PDZD7: variants seen among roughly 807,000 people sequenced by gnomAD.
PDZD7 encodes PDZ domain containing 7.
A neutral mutation model predicts 84.7 loss-of-function variants in PDZD7; 72 were observed. The ratio of observed to expected loss-of-function variants is 0.85; its 90% CI spans 0.70 to 1.03. The LOEUF is 1.03. Among genes scored for constraint, PDZD7 ranks in the 50% least tolerant of loss-of-function variants. PDZD7 has a pLI of 0.00. For missense variants in PDZD7, 1,490 were observed against 1,412.9 expected (o/e 1.05, Z -0.87); for synonymous variants, 594 against 580.7 (o/e 1.02, Z -0.33).
At chr10:101,011,005 G>C (rs1852377187) in intron 14 of PDZD7, 122 bp from the exon 15 acceptor site, 1 of 1,494,676 alleles carries the variant, frequency 6.7e-7, no homozygotes, top group Non-Finnish European at 8.9e-7. Flanking sequence ...ACTGCAGTGC[G>C]GCCCACCCAC....
rs1173857385 is a variant in PDZD7 at position 101,030,035 on chromosome 10, G to A, written c.185C>T (p.Ser62Leu). ...NGPPRGIRAS[S>L]PMGRVILINS... ...GATGAGGATGACGCGTCCCATGGGC[G>A]ATGAGGCTCGGATTCCGCGGGGGGG... The change falls in exon 2 of 17, where the codon TCG becomes TTG. Residue 62 changes from serine (S) to leucine (L), a missense_variant. Coordinates refer to ENST00000619208, the MANE Select transcript of PDZD7 (RefSeq NM_001195263.2). 3 of 1,613,600 alleles carry A rather than the reference G, an allele frequency of 1.9e-6. No individual in the cohort carries two copies. The Admixed American group carries it at 5.0e-5, about 27-fold the overall frequency.
intron 2 of PDZD7, among the ~76,000 whole-genome samples, chr10:101,027,606 C>T (rs1307323558): frequency 6.6e-6 from 1 of 152,230 alleles, no homozygotes; most frequent in Non-Finnish European, 1.5e-5. Context: ...TGCAATCTAT[C>T]CCTGAATGAG....
chr10:101,015,775 G>GCCCCTC lies in PDZD7; in HGVS notation c.1609_1610insGAGGGG (p.Ser537delinsTer). Reference sequence around the variant, plus strand: ...AGGCAGCTGGCTGGAGGGACTCCCAGACCTGGCAGACAGCAGGGCCCGGCC... The same window carrying GCCCCTC: ...AGGCAGCTGGCTGGAGGGACTCCCAGCCCCTCACCTGGCAGACAGCAGGGCCCGGCC... On this transcript the variant is annotated stop_gained, in exon 11 of 17. Transcript: ENST00000619208. LOFTEE classifies it high-confidence loss of function. The GCCCCTC allele has an allele frequency of 6.5e-7, 1 of 1,549,702 alleles. No individual in the cohort carries two copies. Among genetic ancestry groups the GCCCCTC allele is most frequent in the Non-Finnish European group, 8.7e-7 (1 of 1,146,864 alleles).
At position 101,011,959 on chromosome 10, in the gene PDZD7, C is replaced by T. The variant is rs1187120529; in HGVS notation, c.1899G>A (p.Glu633=). 3.9e-6 allele frequency: 6 copies of T among 1,550,356 alleles called. No homozygotes were observed. Among genetic ancestry groups the T allele is most frequent in the African/African-American group, 1.4e-5 (1 of 73,058 alleles). Residue 633 remains glutamate, a synonymous_variant, in exon 13 of 17, where the codon GAG becomes GAA. Transcript: ENST00000619208. ...GRFDSMVMLV[E]LEAFEALKSR... Reference sequence around the variant, plus strand: ...TCTTGAGGGCCTCAAAAGCCTCCAGCTCCACAAGCATCACCATGCTGTCGA... The same window carrying T: ...TCTTGAGGGCCTCAAAAGCCTCCAGTTCCACAAGCATCACCATGCTGTCGA...
In PDZD7 at chr10:101,022,190, T is replaced by C; in HGVS notation, c.719+19A>G. 6.2e-7 allele frequency: 1 copy of C among 1,613,718 alleles called. No homozygotes were observed. On this transcript the variant is annotated intron_variant, in intron 5 of 16. Coordinates refer to ENST00000619208, the MANE Select transcript of PDZD7 (RefSeq NM_001195263.2). ...CATTCTCAGTTCTACCCGAAGACAC[T>C]TCCTGCCTCAGCCCTCACTTGGACA...
chr10:101,023,720 A>G, intron 3 of PDZD7, 110 bp from the exon 4 acceptor site: 1 of 1,470,822 alleles, frequency 6.8e-7, no homozygotes, highest in Non-Finnish European at 9.3e-7. Flanking sequence ...CAGAGTGAGG[A>G]TTGTCAGAGC....
rs747859200 is a variant in PDZD7 at position 101,018,221 on chromosome 10, A to G, written c.1400T>C (p.Leu467Pro). The G allele has an allele frequency of 3.1e-6, 5 of 1,614,182 alleles. No homozygotes were observed. The South Asian group carries it at 4.4e-5, about 14-fold the overall frequency. The change falls in exon 9 of 17, where the codon CTG becomes CCG. Residue 467 changes from leucine (L) to proline (P), a missense_variant. Physicochemically the swap from Leu to Pro is moderately conservative, Grantham distance 98. Coordinates refer to ENST00000619208, the MANE Select transcript of PDZD7 (RefSeq NM_001195263.2). ...EKGALQRSKT[L>P]MNLFFKGGRQ... ...CCCTCCCTTGAAGAAGAGGTTCATCAGCGTCTTGGAGCGCTGCAGGGCACC... is the reference window on the plus strand; with the variant it reads ...CCCTCCCTTGAAGAAGAGGTTCATCGGCGTCTTGGAGCGCTGCAGGGCACC...
intron 9 of PDZD7, 132 bp from the exon 10 acceptor site, chr10:101,016,559 G>A (rs1852640247): frequency 4.5e-6 from 4 of 888,676 alleles, no homozygotes; most frequent in Non-Finnish European, 6.9e-6. Context: ...AAGAGGCCTG[G>A]CCCTGAGGGG....
intron 4 of PDZD7, among the ~76,000 whole-genome samples, chr10:101,022,752 A>G (rs554023555): frequency 2.0e-5 from 3 of 151,838 alleles, no homozygotes; most frequent in Admixed American, 2.0e-4. Flanking sequence ...CATGCCCACC[A>G]TGCCCAGTTT....
In PDZD7 at chr10:101,016,523, A is replaced by G. The variant is rs1852639037; in HGVS notation, c.1523-96T>C. ...GGACAAGCTGGAATGGAGAATTCAG[A>G]CTGGAAGTAGGTGGGATAGGGAGGC... On this transcript the variant is annotated intron_variant, in intron 9 of 16. Coordinates refer to ENST00000619208, the MANE Select transcript of PDZD7 (RefSeq NM_001195263.2). 6.7e-6 allele frequency: 9 copies of G among 1,340,536 alleles called. No homozygotes were observed. In the East Asian group the frequency reaches 2.3e-4, roughly 34 times the overall value. The allele number at this position is 1,340,536 out of a possible 1,614,324, so 83.0% of individuals were successfully genotyped here.
Position 101,010,838 on chromosome 10 carries a change from T to G in PDZD7, c.2051A>C (p.Glu684Ala), listed in dbSNP as rs1852371494. The change falls in exon 15 of 17, where the codon GAA becomes GCA. Residue 684 changes from glutamate (E) to alanine (A), a missense_variant. Transcript: ENST00000619208. ...CCTCAGCTCCCCATTATCTTCCTCTTCCGGGAAGCCGTTCACCGGCAGCAG... is the reference window on the plus strand; with the variant it reads ...CCTCAGCTCCCCATTATCTTCCTCTGCCGGGAAGCCGTTCACCGGCAGCAG... ...FYLLPVNGFPEEEDNGELRER... is the reference protein window; with the variant it reads ...FYLLPVNGFPAEEDNGELRER... 6.5e-7 allele frequency: 1 copy of G among 1,534,866 alleles called. No individual in the cohort carries two copies. Among genetic ancestry groups the G allele is most frequent in the East Asian group, 2.4e-5 (1 of 40,916 alleles).
Position 101,010,876 on chromosome 10 carries a change from G to C in PDZD7, c.2013C>G (p.Arg671=). 1 of 1,533,806 alleles carries C rather than the reference G, an allele frequency of 6.5e-7. No homozygotes were observed. Among genetic ancestry groups the C allele is most frequent in the Non-Finnish European group, 8.7e-7 (1 of 1,146,780 alleles). ...TCACCGGCAGCAGGTAGAAGCCTCCGCGGCTGTCTGGGGAAGAGCGCCAAG... is the reference window on the plus strand; with the variant it reads ...TCACCGGCAGCAGGTAGAAGCCTCCCCGGCTGTCTGGGGAAGAGCGCCAAG... ...RHLITPVPDS[R]GGFYLLPVNG... Residue 671 remains arginine, a synonymous_variant, in exon 15 of 17, where the codon CGC becomes CGG. Coordinates refer to ENST00000619208, the MANE Select transcript of PDZD7 (RefSeq NM_001195263.2).
rs550721034 is a variant in PDZD7 at position 101,012,136 on chromosome 10, C to G, written c.1841+31G>C. The G allele has an allele frequency of 7.1e-6, 11 of 1,544,584 alleles. No homozygotes were observed. In the East Asian group the frequency reaches 2.2e-4, roughly 31 times the overall value. ...GGTGGTACCAGGGATCCCCTTCCTGCCCCCAAGCCCTCTCTGCAACCTCCT... is the reference window on the plus strand; with the variant it reads ...GGTGGTACCAGGGATCCCCTTCCTGGCCCCAAGCCCTCTCTGCAACCTCCT... On this transcript the variant is annotated intron_variant, in intron 12 of 16. Coordinates refer to ENST00000619208, the MANE Select transcript of PDZD7 (RefSeq NM_001195263.2).
At chr10:101,019,584 TCC>T (rs1852953486) in intron 7 of PDZD7, among the ~76,000 whole-genome samples, 2 of 125,332 alleles carry the variant, frequency 1.6e-5, no homozygotes, top group Non-Finnish European at 1.8e-5. Flanking sequence ...CTCCTCCTCC[TCC>T]TCTTCTTCTT....
At chr10:101,017,840 A>C in intron 9 of PDZD7, 1 of 262,332 alleles carries the variant, frequency 3.8e-6, no homozygotes, top group Non-Finnish European at 6.3e-6. Flanking sequence ...GGAAGGAAGG[A>C]AAGAAAGAAA....
chr10:101,008,822 C>G lies in PDZD7; in HGVS notation c.2747G>C (p.Gly916Ala), dbSNP rs553455294. 1.3e-6 allele frequency: 2 copies of G among 1,512,194 alleles called. No homozygotes were observed. The highest frequency in any genetic ancestry group is 2.8e-5 in the African/African-American group (2 of 72,582). The allele number at this position is 1,512,194 out of a possible 1,614,324, so 93.7% of individuals were successfully genotyped here. A position where few individuals can be genotyped will look rare whatever the true frequency, so the allele number is the denominator to read the frequency against. ...QAGFELVAVD[G>A]ENLEQVTHQR... ...GTGGGTCACCTGCTCTAGATTCTCT[C>G]CGTCCACTGCCACAAGCTCGAAGCC... is the stretch of plus-strand genomic sequence containing the variant. The change falls in exon 17 of 17, where the codon GGA (glycine) becomes GCA (alanine). Residue 916 changes from glycine to alanine, a missense_variant. By Grantham distance (60) the Gly-to-Ala change is moderately conservative. Transcript: ENST00000619208.
rs772930835 is a variant in PDZD7 at position 101,018,132 on chromosome 10, C to A, written c.1489G>T (p.Ala497Ser). Reference protein sequence around the residue: ...EAWTLDSGSLAKTYPRLDIEK... With the variant: ...EAWTLDSGSLSKTYPRLDIEK... ...ATGTCCAGGCGAGGGTAAGTTTTGG[C>A]CAGGCTCCCGCTGTCCAGTGTCCAG... The change falls in exon 9 of 17, where the codon GCC (alanine) becomes TCC (serine). Residue 497 changes from alanine to serine, a missense_variant. Transcript: ENST00000619208. 3.1e-6 allele frequency: 5 copies of A among 1,614,182 alleles called. No homozygotes were observed. In the Admixed American group the frequency reaches 5.0e-5, roughly 16 times the overall value.
At chr10:101,018,792 G>A (rs1852858942) in intron 8 of PDZD7, 30 bp downstream of exon 8, 1 of 1,555,738 alleles carries the variant, frequency 6.4e-7, no homozygotes, top group Non-Finnish European at 8.7e-7. Context: ...AGGCTGTGGA[G>A]GGAGCAGCCG....
In PDZD7 at chr10:101,008,209, C is replaced by G; in HGVS notation, c.*258G>C. 2.0e-6 allele frequency: 1 copy of G among 508,906 alleles called. No homozygotes were observed. The highest frequency in any genetic ancestry group is 3.0e-5 in the East Asian group (1 of 33,792). 31.5% of individuals were successfully genotyped at this position (508,906 alleles called of 1,614,324 possible). A position where few individuals can be genotyped will look rare whatever the true frequency, so the allele number is the denominator to read the frequency against. On this transcript the variant is annotated 3_prime_UTR_variant, in exon 17 of 17. Coordinates refer to ENST00000619208, the MANE Select transcript of PDZD7 (RefSeq NM_001195263.2). Reference sequence around the variant, plus strand: ...CTCCAGACCTTGGCTTTCTCACCCCCTATCCTGGCTTGGGAGGTTGGGGAG... The same window carrying G: ...CTCCAGACCTTGGCTTTCTCACCCCGTATCCTGGCTTGGGAGGTTGGGGAG...
Sources: gnomAD v4.1 joint callset for allele counts (sites outside exome capture counted in the v4.1 genomes callset) on GRCh38, gnomAD v4.1.1 for gene constraint, MANE v1.5 for transcripts, NCBI Gene and HGNC (gene_info 2026-07-23, HGNC 2026-07-21) for gene names.